The following RPS5 variants were observed in gnomAD, a reference collection of about 807,000 sequenced individuals.
The protein encoded by RPS5 is ribosomal protein S5.
Under a neutral mutation model 20.9 loss-of-function variants are expected in RPS5, and 2 were observed. That is an observed-to-expected ratio of 0.10 (90% confidence interval 0.04 to 0.30). RPS5 has a LOEUF of 0.30. RPS5 is among the 10% of genes least tolerant of loss of function. The pLI, the probability that RPS5 is intolerant of heterozygous loss-of-function variation, is 1.00. For synonymous variants in RPS5, 112 were observed against 105.8 expected, an observed-to-expected ratio of 1.06 and a Z score of -0.36; for missense variants, 122 against 287.2, an observed-to-expected ratio of 0.42 and a Z score of 4.16.
At chr19:58,387,815 A>G (rs734379) in intron 1 of RPS5, 136,026 of 319,092 alleles carry the variant, frequency 0.43, 29,973 homozygotes, top group East Asian at 0.5. Context: ...AAATCGCGAG[A>G]TTGTGGTTTG....
intron 4 of RPS5, chr19:58,394,181 C>T (rs542387056): frequency 3.8e-5 from 12 of 319,340 alleles, no homozygotes; most frequent in Non-Finnish European, 6.6e-5. Context: ...AAACTCCCTG[C>T]CAAAGTGTTC....
At chr19:58,389,737 A>G (rs2052351159) in intron 2 of RPS5, among the ~76,000 whole-genome samples, 1 of 151,698 alleles carries the variant, frequency 6.6e-6, no homozygotes, top group Non-Finnish European at 1.5e-5. Context: ...CCCGGGTTCA[A>G]GCAATGCTCC....
chr19:58,387,719 G>A (rs751441726), intron 1 of RPS5: 1 of 222,410 alleles, frequency 4.5e-6, no homozygotes, highest in Non-Finnish European at 9.2e-6. Flanking sequence ...GGTACCTACC[G>A]TGGTCCTTGA....
At position 58,387,269 on chromosome 19, in the gene RPS5, C is replaced by G. The variant is rs1045508989; in HGVS notation, c.-72C>G. 2 of 152,270 alleles carry G rather than the reference C, an allele frequency of 1.3e-5. No individual in the cohort carries two copies. Among genetic ancestry groups the G allele is most frequent in the Non-Finnish European group, 2.9e-5 (2 of 68,066 alleles). The allele number at this position is 152,270 out of a possible 1,614,324, so 9.4% of individuals were successfully genotyped here. ...AAAGTGTTGGCCCGCGGCGCGCGGC[C>G]TCTTCCTGTCTGTACCAGGGCGGCG... On this transcript the variant is annotated 5_prime_UTR_variant, in exon 1 of 6. Transcript: ENST00000196551.
intron 2 of RPS5, among the ~76,000 whole-genome samples, chr19:58,391,543 C>T (rs112792086): frequency 4.6e-4 from 69 of 151,432 alleles, no homozygotes; most frequent in African/African-American, 8.5e-4. Context: ...GTGGAGGTTG[C>T]AGTGAGCCAA....
intron 4 of RPS5, 190 bp from the exon 5 acceptor site, chr19:58,394,307 G>A (rs559917749): frequency 5.2e-5 from 22 of 425,286 alleles, no homozygotes; most frequent in Non-Finnish European, 7.9e-5. Context: ...ACTTCAGCCT[G>A]TGTGTGTGTG....
chr19:58,392,909 G>A, intron 2 of RPS5, 67 bp from the exon 3 acceptor site: 1 of 1,470,512 alleles, frequency 6.8e-7, no homozygotes. Flanking sequence ...CTCTCCTCTG[G>A]TGTCTGGCCA....
intron 4 of RPS5, chr19:58,394,256 G>A (rs1276366633): frequency 5.7e-6 from 3 of 529,308 alleles, no homozygotes; most frequent in African/African-American, 1.9e-5. Context: ...CTAGCAGTTT[G>A]CTGTTGAGGC....
rs748648108 is a variant in RPS5 at position 58,392,996 on chromosome 19, G to A, written c.129G>A (p.Glu43=). 1 of 1,613,854 alleles carries A rather than the reference G, an allele frequency of 6.2e-7. No individual in the cohort carries two copies. The highest frequency in any genetic ancestry group is 1.1e-5 in the South Asian group (1 of 91,070). The stretch of plus-strand genomic sequence containing the variant: ...CCCAGGATTACATTGCAGTGAAGGA[G>A]AAGTATGCCAAGTACCTGCCTCACA... ...ISLQDYIAVK[E]KYAKYLPHSA... Residue 43 remains glutamate (E), a synonymous_variant, in exon 3 of 6, where the codon GAG becomes GAA. Coordinates refer to ENST00000196551, the MANE Select transcript of RPS5 (RefSeq NM_001009.4).
At chr19:58,390,414 T>C (rs1412807993) in intron 2 of RPS5, among the ~76,000 whole-genome samples, 1 of 137,554 alleles carries the variant, frequency 7.3e-6, no homozygotes, top group African/African-American at 2.7e-5. Context: ...TGGGCCACAC[T>C]GGCCACTGTT....
At position 58,388,263 on chromosome 19, in the gene RPS5, A is replaced by G. The variant is rs748823380; in HGVS notation, c.108+18A>G. The G allele has an allele frequency of 1.9e-6, 3 of 1,557,548 alleles. No individual in the cohort carries two copies. ...CCCTGCAGGTGAGGGGAACTTGGTG[A>G]TTGGCCTTCCTGGCTGGGGGCGGAC... On this transcript the variant is annotated intron_variant, in intron 2 of 5. Coordinates refer to ENST00000196551, the MANE Select transcript of RPS5 (RefSeq NM_001009.4).
chr19:58,390,246 T>C (rs933505744), intron 2 of RPS5, among the ~76,000 whole-genome samples: 2 of 149,754 alleles, frequency 1.3e-5, no homozygotes, highest in African/African-American at 5.1e-5. Flanking sequence ...CAGGCTGGAG[T>C]GCAGTGGTGC....
chr19:58,391,313 T>C (rs2052361518), intron 2 of RPS5, among the ~76,000 whole-genome samples: 1 of 151,240 alleles, frequency 6.6e-6, no homozygotes, highest in Non-Finnish European at 1.5e-5. Flanking sequence ...GCACCTGTTG[T>C]CCCAGCTACT....
intron 2 of RPS5, among the ~76,000 whole-genome samples, chr19:58,392,131 G>C (rs1292512431): frequency 2.0e-5 from 3 of 152,154 alleles, no homozygotes; most frequent in Non-Finnish European, 4.4e-5. Context: ...AGACCAGCCT[G>C]CTCAAAACAG....
intron 2 of RPS5, 55 bp from the exon 3 acceptor site, chr19:58,392,921 C>T (rs777715073): frequency 3.7e-5 from 57 of 1,552,332 alleles, no homozygotes; most frequent in African/African-American, 1.1e-4. Flanking sequence ...GTCTGGCCAA[C>T]GCCCATGCTG....
In RPS5 at chr19:58,392,550, C is replaced by T. The variant is rs184865133; in HGVS notation, c.109-426C>T. On this transcript the variant is annotated intron_variant, in intron 2 of 5. Transcript: ENST00000196551. The stretch of plus-strand genomic sequence containing the variant: ...TGAGGCAGGAGAACCATTTGAACCT[C>T]GGAGTCGTAGGTTGCAGTGAGCTAA... Among the ~76,000 whole-genome samples, 523 of 149,944 alleles carry T rather than the reference C, an allele frequency of 3.5e-3. 3 individuals carry two copies. The highest frequency in any genetic ancestry group is 4.0e-3 in the Non-Finnish European group (270 of 67,556).
rs1453213970 is a variant in RPS5 at position 58,388,238 on chromosome 19, C to T, written c.101C>T (p.Ser34Phe). ...STDDVQINDI[S>F]LQDYIAVKEK... ...GATGATGTGCAGATCAATGACATTT[C>T]CCTGCAGGTGAGGGGAACTTGGTGA... The change falls in exon 2 of 6, where the codon TCC becomes TTC. Residue 34 changes from serine (S) to phenylalanine (F), a missense_variant. Around this residue, in one of 6 missense-constraint regions of RPS5, gnomAD observed 9 missense variants for 45.4 expected, o/e 0.20. Coordinates refer to ENST00000196551, the MANE Select transcript of RPS5 (RefSeq NM_001009.4). 6.2e-7 allele frequency: 1 copy of T among 1,608,486 alleles called. No individual in the cohort carries two copies. Among genetic ancestry groups the T allele is most frequent in the Non-Finnish European group, 8.5e-7 (1 of 1,176,522 alleles).
At chr19:58,393,589 C>A in intron 4 of RPS5, 102 bp downstream of exon 4, 2 of 1,416,294 alleles carry the variant, frequency 1.4e-6, no homozygotes, top group Non-Finnish European at 1.9e-6. Flanking sequence ...CATGTTTTAC[C>A]TGCAGCATCA....
chr19:58,393,325 C>T (rs769992691), intron 3 of RPS5, 34 bp from the exon 4 acceptor site: 2 of 1,610,812 alleles, frequency 1.2e-6, no homozygotes, highest in Admixed American at 1.7e-5. Context: ...ATGCATGGGG[C>T]TGGATGTCAG....
Sources: gnomAD v4.1 joint callset for allele counts (sites outside exome capture counted in the v4.1 genomes callset) on GRCh38, gnomAD v4.1.1 for gene constraint, gnomAD v4.1.1 regional missense constraint, MANE v1.5 for transcripts, NCBI Gene and HGNC (gene_info 2026-07-23, HGNC 2026-07-21) for gene names.